Variants in MARCHF1 observed in about 807,000 individuals in gnomAD.
The protein encoded by MARCHF1 is membrane associated ring-CH-type finger 1, also known as E3 ubiquitin-protein ligase MARCHF1.
Under a neutral mutation model 54.2 loss-of-function variants are expected in MARCHF1, and 40 were observed. That is an observed-to-expected ratio of 0.74 (90% CI 0.57 to 0.96). The LOEUF (loss-of-function observed/expected upper bound fraction) is 0.96, where lower values mean the gene tolerates loss of function less well. Ranked by LOEUF, MARCHF1 falls within the 40% of genes least tolerant of loss-of-function variation. The probability of loss-of-function intolerance (pLI) is 0.00; values close to 1 mark genes in which losing one functional copy is unlikely to be tolerated. For missense variants in MARCHF1, 586 were observed against 656.5 expected (o/e 0.89, Z 1.17); for synonymous variants, 236 against 236.3 (o/e 1.00, Z 0.01).
chr4:163,545,534 C>T, intron 9 of MARCHF1, 62 bp downstream of exon 9: 1 of 1,526,144 alleles, frequency 6.6e-7, no homozygotes, highest in Non-Finnish European at 8.9e-7. Flanking sequence ...AATAACTTCC[C>T]TATCCACCTC....
chr4:163,811,209 C>A (rs1748374553), intron 4 of MARCHF1, among the ~76,000 whole-genome samples: 1 of 152,034 alleles, frequency 6.6e-6, no homozygotes, highest in Non-Finnish European at 1.5e-5. Flanking sequence ...TTTATAAACT[C>A]TAATTTGTTC....
At chr4:164,057,616 G>A (rs1431669434) in intron 2 of MARCHF1, among the ~76,000 whole-genome samples, 1 of 152,076 alleles carries the variant, frequency 6.6e-6, no homozygotes, top group East Asian at 1.9e-4. Context: ...CAGACATGAA[G>A]CATGAAGCAA....
intron 4 of MARCHF1, among the ~76,000 whole-genome samples, chr4:163,756,340 A>C (rs542896548): frequency 2.1e-4 from 32 of 152,182 alleles, no homozygotes; most frequent in African/African-American, 7.2e-4. Context: ...TAAGAAAATG[A>C]GCAGAAGGCC....
intron 1 of MARCHF1, among the ~76,000 whole-genome samples, chr4:164,219,169 A>G (rs1474105048): frequency 6.6e-6 from 1 of 152,148 alleles, no homozygotes; most frequent in Non-Finnish European, 1.5e-5. Context: ...GGAAGATTAT[A>G]GTGGTGCTGA....
intron 5 of MARCHF1, among the ~76,000 whole-genome samples, chr4:163,681,062 G>A (rs1744087226): frequency 1.3e-5 from 2 of 151,186 alleles, no homozygotes; most frequent in South Asian, 4.2e-4. Flanking sequence ...TGGTGCATTA[G>A]GTGCTCATTA....
intron 1 of MARCHF1, among the ~76,000 whole-genome samples, chr4:164,245,773 T>A (rs377604251): frequency 7.4e-6 from 1 of 135,550 alleles, no homozygotes. Context: ...AAAATCAATG[T>A]ACAAAAATCA....
chr4:163,610,601 A>G (rs994234495), intron 7 of MARCHF1, among the ~76,000 whole-genome samples: 2 of 152,096 alleles, frequency 1.3e-5, no homozygotes, highest in African/African-American at 4.8e-5. Flanking sequence ...AGATGGTTGC[A>G]AGTGGGAAAT....
At chr4:163,946,053 T>C (rs778639635) in intron 3 of MARCHF1, among the ~76,000 whole-genome samples, 1 of 152,174 alleles carries the variant, frequency 6.6e-6, no homozygotes, top group African/African-American at 2.4e-5. Context: ...TTATATCATT[T>C]ATAGTAAAAC....
At chr4:164,294,708 A>T (rs997516077) in intron 1 of MARCHF1, among the ~76,000 whole-genome samples, 2 of 152,198 alleles carry the variant, frequency 1.3e-5, no homozygotes, top group South Asian at 2.1e-4. Context: ...TTTACTTAAC[A>T]TGCACAGCAC....
At chr4:164,006,059 G>T (rs1266968516) in intron 2 of MARCHF1, among the ~76,000 whole-genome samples, 1 of 151,750 alleles carries the variant, frequency 6.6e-6, no homozygotes, top group Non-Finnish European at 1.5e-5. Flanking sequence ...ATACCCACGA[G>T]AAACAAACAA....
chr4:164,170,591 C>G (rs1438642446), intron 1 of MARCHF1, among the ~76,000 whole-genome samples: 2 of 151,926 alleles, frequency 1.3e-5, no homozygotes, highest in Non-Finnish European at 1.5e-5. Context: ...GGTTCCTTCC[C>G]TCAAAAAGCC....
intron 2 of MARCHF1, among the ~76,000 whole-genome samples, chr4:164,064,380 G>A (rs924503107): frequency 2.0e-5 from 3 of 151,716 alleles, no homozygotes; most frequent in African/African-American, 7.3e-5. Context: ...TCCTTCACCT[G>A]TATTCCTAGA....
intron 1 of MARCHF1, among the ~76,000 whole-genome samples, chr4:164,235,887 T>C (rs1016988750): frequency 1.8e-4 from 27 of 152,226 alleles, no homozygotes; most frequent in African/African-American, 5.5e-4. Flanking sequence ...TTAAAAGCTA[T>C]TGAAATAAAA....
At chr4:163,829,293 C>T (rs778203513) in intron 4 of MARCHF1, among the ~76,000 whole-genome samples, 9 of 152,030 alleles carry the variant, frequency 5.9e-5, no homozygotes, top group Non-Finnish European at 5.9e-5. Flanking sequence ...TGAAAAGGGC[C>T]GGATGGTAAG....
intron 3 of MARCHF1, among the ~76,000 whole-genome samples, chr4:163,950,493 C>T (rs1003957701): frequency 7.2e-5 from 11 of 152,204 alleles, no homozygotes; most frequent in African/African-American, 2.2e-4. Context: ...GGTTGCTTCC[C>T]GGTCCCAGAG....
intron 4 of MARCHF1, among the ~76,000 whole-genome samples, chr4:163,850,602 A>G (rs1363363877): frequency 6.6e-6 from 1 of 152,234 alleles, no homozygotes; most frequent in Non-Finnish European, 1.5e-5. Context: ...CCATAGCAAA[A>G]ATCTAAAATA....
chr4:164,283,428 G>A (rs751207095), intron 1 of MARCHF1, among the ~76,000 whole-genome samples: 8 of 150,802 alleles, frequency 5.3e-5, no homozygotes, highest in Non-Finnish European at 1.2e-4. Flanking sequence ...CAAAATATAT[G>A]TGTTCCTAGC....
intron 1 of MARCHF1, among the ~76,000 whole-genome samples, chr4:164,182,575 A>G (rs1730859862): frequency 6.6e-6 from 1 of 151,942 alleles, no homozygotes; most frequent in African/African-American, 2.4e-5. Context: ...TAATATATAC[A>G]CATTGTTAGT....
intron 1 of MARCHF1, among the ~76,000 whole-genome samples, chr4:164,338,485 T>C (rs922350450): frequency 2.6e-5 from 4 of 152,080 alleles, no homozygotes; most frequent in African/African-American, 9.7e-5. Flanking sequence ...GGTGGCATAA[T>C]GGATTTTTTA....
Sources: allele counts gnomAD v4.1 joint callset (sites outside exome capture counted in the v4.1 genomes callset), GRCh38; gene constraint gnomAD v4.1.1; transcripts MANE v1.5; gene names NCBI Gene and HGNC (gene_info 2026-07-23, HGNC 2026-07-21).